VWC2: variants seen among roughly 807,000 people sequenced by gnomAD.
VWC2 encodes the protein von Willebrand factor C domain containing 2.
A neutral mutation model predicts 29.8 loss-of-function variants in VWC2; 14 were observed. That is an observed-to-expected ratio of 0.47 (90% CI 0.31 to 0.74). The LOEUF is 0.74. VWC2 is among the 30% of genes least tolerant of loss of function. The pLI is 0.05. For missense variants in VWC2, 457 were observed against 459.8 expected (o/e 0.99, Z 0.05); for synonymous variants, 213 against 199.0 (o/e 1.07, Z -0.59).
intron 3 of VWC2, among the ~76,000 whole-genome samples, chr7:49,858,938 T>G (rs1278822627): frequency 1.3e-5 from 2 of 152,242 alleles, no homozygotes; most frequent in African/African-American, 4.8e-5. Context: ...GTATATTTAT[T>G]TCATGGCCCC....
intron 3 of VWC2, among the ~76,000 whole-genome samples, chr7:49,893,710 G>A (rs544144729): frequency 1.3e-5 from 2 of 151,366 alleles, no homozygotes; most frequent in African/African-American, 2.4e-5. Flanking sequence ...AAGGGAAATC[G>A]AAATACAATA....
intron 3 of VWC2, among the ~76,000 whole-genome samples, chr7:49,906,089 C>T (rs933417366): frequency 6.6e-6 from 1 of 152,160 alleles, no homozygotes; most frequent in Admixed American, 6.5e-5. Flanking sequence ...CAGCCAGTGG[C>T]CCTCAGGGCT....
chr7:49,809,484 T>C (rs1788950654), intron 3 of VWC2, among the ~76,000 whole-genome samples: 1 of 151,926 alleles, frequency 6.6e-6, no homozygotes, highest in Non-Finnish European at 1.5e-5. Flanking sequence ...ACCCAGGAAA[T>C]AGAAGCAAAG....
At chr7:49,910,056 G>T (rs1056046776) in intron 3 of VWC2, among the ~76,000 whole-genome samples, 1 of 152,052 alleles carries the variant, frequency 6.6e-6, no homozygotes, top group African/African-American at 2.4e-5. Context: ...CAGCTACAGT[G>T]AGCCATGATC....
At chr7:49,904,885 G>C (rs1793002257) in intron 3 of VWC2, among the ~76,000 whole-genome samples, 1 of 151,874 alleles carries the variant, frequency 6.6e-6, no homozygotes, top group Non-Finnish European at 1.5e-5. Context: ...ATAGGCACCT[G>C]CCACTGCACC....
At chr7:49,822,764 A>G (rs995361486) in intron 3 of VWC2, among the ~76,000 whole-genome samples, 49 of 152,332 alleles carry the variant, frequency 3.2e-4, no homozygotes, top group Non-Finnish European at 2.1e-4. Context: ...GTTGAGAATC[A>G]TGGAGTGTGA....
At chr7:49,892,842 C>G (rs1391171574) in intron 3 of VWC2, among the ~76,000 whole-genome samples, 2 of 152,236 alleles carry the variant, frequency 1.3e-5, no homozygotes, top group Admixed American at 6.5e-5. Context: ...TGAGAAAAGA[C>G]TTCTATGGTC....
At chr7:49,776,367 T>A (rs918964587) in intron 2 of VWC2, among the ~76,000 whole-genome samples, 3 of 152,172 alleles carry the variant, frequency 2.0e-5, no homozygotes, top group Non-Finnish European at 2.9e-5. Flanking sequence ...AAGGGCTTCA[T>A]GAGGATGAAG....
intron 3 of VWC2, among the ~76,000 whole-genome samples, chr7:49,809,415 T>C (rs1419868322): frequency 6.6e-6 from 1 of 152,028 alleles, no homozygotes; most frequent in East Asian, 1.9e-4. Context: ...TACATATCTT[T>C]ACTGGTGAAT....
chr7:49,836,479 A>G (rs1470503233), intron 3 of VWC2, among the ~76,000 whole-genome samples: 1 of 150,818 alleles, frequency 6.6e-6, no homozygotes, highest in Admixed American at 6.6e-5. Context: ...AAAAAAAAAA[A>G]AACTATGAAA....
intron 2 of VWC2, among the ~76,000 whole-genome samples, chr7:49,783,035 T>C (rs1294460020): frequency 6.6e-6 from 1 of 152,136 alleles, no homozygotes; most frequent in Non-Finnish European, 1.5e-5. Flanking sequence ...CACGCCCTGG[T>C]CCAGATTTTG....
chr7:49,804,979 C>T (rs765974853), intron 3 of VWC2, among the ~76,000 whole-genome samples: 14 of 152,120 alleles, frequency 9.2e-5, no homozygotes, highest in Non-Finnish European at 1.6e-4. Flanking sequence ...TTAGAGCATA[C>T]AGTCAGAGAA....
intron 3 of VWC2, among the ~76,000 whole-genome samples, chr7:49,805,808 C>T (rs1016787803): frequency 6.6e-6 from 1 of 152,150 alleles, no homozygotes; most frequent in Non-Finnish European, 1.5e-5. Context: ...GGTTTTAACT[C>T]TTGATCTCCG....
chr7:49,822,161 A>G (rs1789276305), intron 3 of VWC2, among the ~76,000 whole-genome samples: 2 of 152,196 alleles, frequency 1.3e-5, no homozygotes. Flanking sequence ...ATTTCTTTCC[A>G]ACTAGAAATC....
chr7:49,867,364 T>G (rs1790941221), intron 3 of VWC2, among the ~76,000 whole-genome samples: 1 of 152,174 alleles, frequency 6.6e-6, no homozygotes, highest in Non-Finnish European at 1.5e-5. Flanking sequence ...ATATTCAGTG[T>G]CAGCAGCTGC....
At chr7:49,885,587 G>A (rs1006273462) in intron 3 of VWC2, among the ~76,000 whole-genome samples, 15 of 152,244 alleles carry the variant, frequency 9.9e-5, no homozygotes, top group Middle Eastern at 3.4e-3. Context: ...CCTAAACAGG[G>A]ACAAAAGAGT....
intron 3 of VWC2, among the ~76,000 whole-genome samples, chr7:49,812,185 G>A (rs1458359765): frequency 6.6e-6 from 1 of 152,150 alleles, no homozygotes; most frequent in East Asian, 1.9e-4. Context: ...ATCATCATGA[G>A]GGAATTTATT....
chr7:49,895,000 G>C (rs1792314347), intron 3 of VWC2, among the ~76,000 whole-genome samples: 1 of 152,164 alleles, frequency 6.6e-6, no homozygotes, highest in South Asian at 2.1e-4. Context: ...AAATGTGCTA[G>C]GCCATTCTGA....
At chr7:49,815,577 A>G (rs776550865) in intron 3 of VWC2, among the ~76,000 whole-genome samples, 79 of 152,332 alleles carry the variant, frequency 5.2e-4, no homozygotes, top group South Asian at 1.2e-3. Flanking sequence ...ATTTTTCCAC[A>G]ATGTATTATA....
Sources: gnomAD v4.1 joint callset for allele counts (sites outside exome capture counted in the v4.1 genomes callset) on GRCh38, gnomAD v4.1.1 for gene constraint, MANE v1.5 for transcripts, NCBI Gene and HGNC (gene_info 2026-07-23, HGNC 2026-07-21) for gene names.